MKLN1: variants seen among roughly 807,000 people sequenced by gnomAD.
MKLN1 encodes the protein muskelin 1, also known as muskelin.
A neutral mutation model predicts 99.0 loss-of-function variants in MKLN1; 18 were observed. The ratio of observed to expected loss-of-function variants is 0.18; its 90% CI spans 0.13 to 0.27. The LOEUF (loss-of-function observed/expected upper bound fraction) is 0.27. Among genes scored for constraint, MKLN1 ranks in the 10% least tolerant of loss-of-function variants. The pLI, the probability that MKLN1 is intolerant of heterozygous loss-of-function variation, is 1.00. For missense variants in MKLN1, 621 were observed against 875.9 expected (o/e 0.71, Z 3.67); for synonymous variants, 288 against 293.2 (o/e 0.98, Z 0.18).
intron 17 of MKLN1, among the ~76,000 whole-genome samples, chr7:131,484,619 A>G (rs1797222549): frequency 6.6e-6 from 1 of 152,188 alleles, no homozygotes; most frequent in Non-Finnish European, 1.5e-5. Flanking sequence ...GAGTAGCATT[A>G]CAGAATCAAT....
intron 1 of MKLN1, among the ~76,000 whole-genome samples, chr7:131,372,944 T>C (rs559464793): frequency 6.5e-4 from 99 of 152,058 alleles, no homozygotes; most frequent in African/African-American, 2.2e-3. Flanking sequence ...CTTTTACCTT[T>C]TTCCTGCAGT....
At chr7:131,368,023 A>G (rs569123298) in intron 1 of MKLN1, among the ~76,000 whole-genome samples, 2 of 152,342 alleles carry the variant, frequency 1.3e-5, no homozygotes, top group East Asian at 1.9e-4. Flanking sequence ...GGTAGATTGT[A>G]TAAGTCTTTG....
At chr7:131,150,991 A>G (rs142339950) in intron 2 of MKLN1, among the ~76,000 whole-genome samples, 14 of 152,326 alleles carry the variant, frequency 9.2e-5, no homozygotes, top group African/African-American at 3.4e-4. Flanking sequence ...AAAAATGTTT[A>G]TTGACCTTAA....
intron 2 of MKLN1, among the ~76,000 whole-genome samples, chr7:131,160,107 A>G (rs901547433): frequency 2.0e-5 from 3 of 152,102 alleles, no homozygotes; most frequent in African/African-American, 7.2e-5. Flanking sequence ...CCTGGCAACC[A>G]CTTATCTGCT....
chr7:131,479,581 C>G (rs2116679883), intron 17 of MKLN1, among the ~76,000 whole-genome samples: 1 of 149,966 alleles, frequency 6.7e-6, no homozygotes, highest in South Asian at 2.1e-4. Flanking sequence ...AATCCCAGCA[C>G]TTTGGGAGGC....
At chr7:131,278,032 CTTTAT>C (rs1043808147) in intron 3 of MKLN1, among the ~76,000 whole-genome samples, 1 of 151,776 alleles carries the variant, frequency 6.6e-6, no homozygotes, top group African/African-American at 2.4e-5. Flanking sequence ...CCTTTTCCTC[CTTTAT>C]TTTATTTTAT....
chr7:131,327,866 A>G (rs755929587), upstream of MKLN1: 8 of 1,605,706 alleles, frequency 5.0e-6, no homozygotes, highest in Non-Finnish European at 6.8e-6. Context: ...GTTCGCTGCC[A>G]GCGGTCGGTG....
intron 8 of MKLN1, among the ~76,000 whole-genome samples, chr7:131,428,737 A>G (rs1189969172): frequency 6.6e-6 from 1 of 152,208 alleles, no homozygotes; most frequent in African/African-American, 2.4e-5. Context: ...TTACAAATAC[A>G]GACCCATTTT....
intron 3 of MKLN1, among the ~76,000 whole-genome samples, chr7:131,234,776 C>T (rs1797291846): frequency 6.6e-6 from 1 of 152,176 alleles, no homozygotes; most frequent in African/African-American, 2.4e-5. Flanking sequence ...CCTCTCTCTC[C>T]CAAAGCAATT....
chr7:131,154,736 C>T (rs1795939704), intron 2 of MKLN1, among the ~76,000 whole-genome samples: 1 of 152,042 alleles, frequency 6.6e-6, no homozygotes, highest in Non-Finnish European at 1.5e-5. Flanking sequence ...AGCTATTCTT[C>T]TATTTCTGGT....
At position 131,121,236 on chromosome 7, in the gene MKLN1, G is replaced by A. The variant is rs764298721; in HGVS notation, c.-419+11029G>A. ...CACATGAACAGCAAGGGGGAAATCCGCCTCCATGATCCAGTCACCTCCTAC... is the reference window on the plus strand; with the variant it reads ...CACATGAACAGCAAGGGGGAAATCCACCTCCATGATCCAGTCACCTCCTAC... On this transcript the variant is annotated intron_variant, in intron 1 of 7. Transcript: ENST00000416992. Among the ~76,000 whole-genome samples, 130 of 152,172 alleles carry A rather than the reference G, an allele frequency of 8.5e-4. 1 individual carries two copies. The highest frequency in any genetic ancestry group is 3.4e-3 in the Middle Eastern group (1 of 294).
intron 2 of MKLN1, among the ~76,000 whole-genome samples, chr7:131,192,436 A>T (rs987188613): frequency 1.5e-5 from 2 of 134,364 alleles, no homozygotes; most frequent in Non-Finnish European, 1.5e-5. Flanking sequence ...TAAATATATA[A>T]AATATATACA....
intron 2 of MKLN1, among the ~76,000 whole-genome samples, chr7:131,186,452 G>A (rs1239207182): frequency 1.3e-5 from 2 of 152,276 alleles, no homozygotes; most frequent in East Asian, 1.9e-4. Context: ...CGGCTGCAGA[G>A]AACCATGATC....
At chr7:131,286,060 C>T (rs975028981) in intron 3 of MKLN1, among the ~76,000 whole-genome samples, 21 of 151,686 alleles carry the variant, frequency 1.4e-4, no homozygotes, top group Admixed American at 1.1e-3. Context: ...AAGCGATTCT[C>T]GTGCCTCCAC....
At chr7:131,380,729 G>C (rs1793819216) in intron 2 of MKLN1, among the ~76,000 whole-genome samples, 1 of 152,136 alleles carries the variant, frequency 6.6e-6, no homozygotes. Flanking sequence ...TTTGAATAAG[G>C]AGAAACCTTA....
intron 2 of MKLN1, among the ~76,000 whole-genome samples, chr7:131,154,252 T>C (rs1040945198): frequency 2.6e-5 from 4 of 152,068 alleles, no homozygotes; most frequent in African/African-American, 9.7e-5. Flanking sequence ...AAACTAGACT[T>C]CTTAGAATTC....
intron 3 of MKLN1, among the ~76,000 whole-genome samples, chr7:131,247,106 T>C (rs894186392): frequency 6.6e-6 from 1 of 152,214 alleles, no homozygotes; most frequent in African/African-American, 2.4e-5. Flanking sequence ...TTTATTTTGG[T>C]TAAACAAACA....
chr7:131,437,226 AC>A (rs1319623332), intron 9 of MKLN1, among the ~76,000 whole-genome samples: 1 of 151,250 alleles, frequency 6.6e-6, no homozygotes, highest in Non-Finnish European at 1.5e-5. Flanking sequence ...CCTCCCCCTG[AC>A]CCCCACCCCT....
At chr7:131,212,327 C>G (rs1450096224) in intron 3 of MKLN1, among the ~76,000 whole-genome samples, 1 of 152,186 alleles carries the variant, frequency 6.6e-6, no homozygotes, top group Non-Finnish European at 1.5e-5. Context: ...GCTTAGCCTA[C>G]CAATCACTCA....
Sources: allele counts gnomAD v4.1 joint callset (sites outside exome capture counted in the v4.1 genomes callset), GRCh38; gene constraint gnomAD v4.1.1; transcripts MANE v1.5; gene names NCBI Gene and HGNC (gene_info 2026-07-23, HGNC 2026-07-21).